Variants in SHTN1 observed in about 807,000 individuals in gnomAD.
SHTN1 encodes the protein shootin-1.
In SHTN1, 42 loss-of-function variants were observed where a neutral mutation model predicts 83.1. The ratio of observed to expected loss-of-function variants is 0.51; its 90% CI spans 0.39 to 0.65. The LOEUF (loss-of-function observed/expected upper bound fraction) is 0.65. Ranked by LOEUF, SHTN1 falls within the 30% of genes least tolerant of loss-of-function variation. SHTN1 has a pLI of 0.00. For missense variants in SHTN1, 622 were observed against 737.8 expected, an observed-to-expected ratio of 0.84 and a Z score of 1.82; for synonymous variants, 224 against 247.7, an observed-to-expected ratio of 0.90 and a Z score of 0.90.
intron 16 of SHTN1, 41 bp from the exon 17 acceptor site, chr10:116,886,607 G>A (rs1268017790): frequency 6.2e-7 from 1 of 1,609,568 alleles, no homozygotes; most frequent in Non-Finnish European, 8.5e-7. Context: ...AAAAAGCAGA[G>A]AGAGAAAATA....
At chr10:116,901,725 T>A in intron 16 of SHTN1, 40 bp downstream of exon 16, 1 of 1,480,262 alleles carries the variant, frequency 6.8e-7, no homozygotes, top group Admixed American at 2.8e-5. Flanking sequence ...TCATTACAGA[T>A]TCTTCTATAC....
chr10:116,986,503 A>C (rs1459771964), intron 1 of SHTN1, among the ~76,000 whole-genome samples: 1 of 152,024 alleles, frequency 6.6e-6, no homozygotes, highest in South Asian at 2.1e-4. Context: ...AGGGGCCCCT[A>C]AACTTTTGTG....
At chr10:117,091,699 A>G (rs1010462189) in intron 1 of SHTN1, among the ~76,000 whole-genome samples, 48 of 152,194 alleles carry the variant, frequency 3.2e-4, no homozygotes, top group African/African-American at 1.0e-3. Flanking sequence ...TCCAGTATGC[A>G]TTTGCTCATG....
intron 2 of SHTN1, among the ~76,000 whole-genome samples, chr10:117,038,237 C>T (rs1852529982): frequency 1.3e-5 from 2 of 151,426 alleles, no homozygotes; most frequent in African/African-American, 4.8e-5. Context: ...ACCTTCTGGG[C>T]TCAAGCGATC....
At chr10:116,906,091 C>T (rs1847958898) in intron 15 of SHTN1, among the ~76,000 whole-genome samples, 1 of 152,262 alleles carries the variant, frequency 6.6e-6, no homozygotes, top group African/African-American at 2.4e-5. Context: ...TGTGTAATTT[C>T]TACTGCAACT....
At chr10:116,930,027 A>G in intron 9 of SHTN1, 25 bp from the exon 10 acceptor site, 2 of 1,456,412 alleles carry the variant, frequency 1.4e-6, no homozygotes, top group Non-Finnish European at 1.9e-6. Context: ...AAAAAAAAAG[A>G]CTTTTATGGC....
intron 1 of SHTN1, among the ~76,000 whole-genome samples, chr10:117,075,711 A>C (rs1021113910): frequency 4.6e-5 from 7 of 152,220 alleles, no homozygotes; most frequent in Non-Finnish European, 1.0e-4. Flanking sequence ...AAGGAAGAAT[A>C]GAAATTAGTT....
In SHTN1 at chr10:117,114,026, G is replaced by A. The variant is rs1173861427; in HGVS notation, c.-189+12281C>T. Among the ~76,000 whole-genome samples, 8 of 152,046 alleles carry A rather than the reference G, an allele frequency of 5.3e-5. No individual in the cohort carries two copies. The East Asian group carries it at 1.5e-3, about 29-fold the overall frequency. On this transcript the variant is annotated intron_variant, in intron 1 of 17. Coordinates refer to the SHTN1 transcript ENST00000392901. ...TGCACCACTGCACTGCAGCATGGAC[G>A]ACAGAGCGAGACTCCGTCTCAAAAA... is the stretch of plus-strand genomic sequence containing the variant.
intron 3 of SHTN1, among the ~76,000 whole-genome samples, chr10:116,967,127 GAC>G (rs1016232221): frequency 6.6e-5 from 10 of 152,312 alleles, no homozygotes; most frequent in African/African-American, 2.2e-4. Context: ...TACCCTGACT[GAC>G]AGAACATCTG....
At chr10:116,899,506 G>GGGGTGTGTGTGT (rs1554906586) in intron 16 of SHTN1, among the ~76,000 whole-genome samples, 1 of 124,500 alleles carries the variant, frequency 8.0e-6, no homozygotes, top group African/African-American at 2.9e-5. Context: ...GGCTGGGGCT[G>GGGGTGTGTGTGT]GTGTGTGTGT....
At chr10:116,920,851 T>C (rs373221080) in intron 12 of SHTN1, among the ~76,000 whole-genome samples, 3 of 152,112 alleles carry the variant, frequency 2.0e-5, no homozygotes, top group East Asian at 3.9e-4. Flanking sequence ...AAAATGGTTT[T>C]ACCCTAAACA....
chr10:116,931,427 T>G (rs1485375998), intron 9 of SHTN1, among the ~76,000 whole-genome samples: 1 of 152,120 alleles, frequency 6.6e-6, no homozygotes, highest in Non-Finnish European at 1.5e-5. Flanking sequence ...TTTTGTATTT[T>G]TAGTAGAGAC....
At chr10:116,949,628 A>T (rs1849706571) in intron 6 of SHTN1, among the ~76,000 whole-genome samples, 1 of 152,244 alleles carries the variant, frequency 6.6e-6, no homozygotes, top group Non-Finnish European at 1.5e-5. Flanking sequence ...ACAAACCTGC[A>T]CATTGTGCAC....
chr10:117,089,120 A>C (rs558998473), intron 1 of SHTN1, among the ~76,000 whole-genome samples: 13 of 152,264 alleles, frequency 8.5e-5, no homozygotes, highest in South Asian at 8.3e-4. Context: ...ACAACACAAA[A>C]CTATAGTGAG....
chr10:117,045,793 G>A (rs1036178314), intron 2 of SHTN1, among the ~76,000 whole-genome samples: 1 of 152,086 alleles, frequency 6.6e-6, no homozygotes, highest in African/African-American at 2.4e-5. Context: ...ACCAGACTCA[G>A]CTTTTTAAAT....
intron 16 of SHTN1, among the ~76,000 whole-genome samples, chr10:116,894,400 A>T (rs1439877026): frequency 2.0e-5 from 3 of 152,192 alleles, no homozygotes. Flanking sequence ...TGACTCCCCC[A>T]AACGAAAAAG....
At chr10:116,887,941 C>T (rs952016049) in intron 16 of SHTN1, among the ~76,000 whole-genome samples, 11 of 152,174 alleles carry the variant, frequency 7.2e-5, no homozygotes, top group African/African-American at 2.7e-4. Flanking sequence ...CTGCATGACC[C>T]GGTCACGGGC....
At chr10:116,992,402 A>G (rs1391339525) in intron 1 of SHTN1, among the ~76,000 whole-genome samples, 1 of 152,226 alleles carries the variant, frequency 6.6e-6, no homozygotes, top group Non-Finnish European at 1.5e-5. Context: ...TCTAAAAGCA[A>G]TTCAAAGCCC....
chr10:116,924,744 CTA>C (rs1425500153), intron 11 of SHTN1, among the ~76,000 whole-genome samples: 1,866 of 133,616 alleles, frequency 0.014, 107 homozygotes, highest in African/African-American at 0.052. Flanking sequence ...GAATTTTCAC[CTA>C]TTTTTTTTTT....
Sources: gnomAD v4.1 joint callset for allele counts (sites outside exome capture counted in the v4.1 genomes callset) on GRCh38, gnomAD v4.1.1 for gene constraint, MANE v1.5 for transcripts, NCBI Gene and HGNC (gene_info 2026-07-23, HGNC 2026-07-21) for gene names.